Variants in PRKRA observed in about 807,000 individuals in gnomAD.
PRKRA encodes protein activator of interferon induced protein kinase EIF2AK2.
A neutral mutation model predicts 32.4 loss-of-function variants in PRKRA; 22 were observed. The ratio of observed to expected loss-of-function variants is 0.68; its 90% CI spans 0.49 to 0.97. The LOEUF (loss-of-function observed/expected upper bound fraction) is 0.97. Among genes scored for constraint, PRKRA ranks in the 50% least tolerant of loss-of-function variants. The probability of loss-of-function intolerance (pLI) is 0.00; values close to 1 mark genes in which losing one functional copy is unlikely to be tolerated. For synonymous variants in PRKRA, 139 were observed against 129.8 expected (o/e 1.07, Z -0.48); for missense variants, 319 against 375.6 (o/e 0.85, Z 1.25).
At chr2:178,447,732 TAAAA>T in intron 2 of PRKRA, 146 bp from the exon 3 acceptor site, 24 of 820,786 alleles carry the variant, frequency 2.9e-5, no homozygotes, top group Non-Finnish European at 4.1e-5. Flanking sequence ...ATACTGTACA[TAAAA>T]ATATGTACAT....
intron 7 of PRKRA, among the ~76,000 whole-genome samples, chr2:178,434,690 C>A (rs1696815284): frequency 6.6e-6 from 1 of 152,122 alleles, no homozygotes; most frequent in Admixed American, 6.5e-5. Context: ...CCTTCAATCC[C>A]AAAGTAGCAC....
chr2:178,449,950 T>C (rs541400648), intron 2 of PRKRA: 215 of 487,750 alleles, frequency 4.4e-4, no homozygotes, highest in African/African-American at 3.8e-3. Flanking sequence ...TCCCTCTAAT[T>C]CTAAGAAGAA....
At chr2:178,450,028 A>C in intron 2 of PRKRA, 1 of 657,766 alleles carries the variant, frequency 1.5e-6, no homozygotes. Flanking sequence ...GTAACTTTTT[A>C]GTTTCTAAGC....
At chr2:178,449,988 G>A (rs772067291) in intron 2 of PRKRA, 9 of 568,578 alleles carry the variant, frequency 1.6e-5, no homozygotes, top group African/African-American at 3.8e-5. Flanking sequence ...GGTATGAGAA[G>A]AGCCATGCAG....
intron 7 of PRKRA, among the ~76,000 whole-genome samples, chr2:178,435,383 CAA>C (rs765962501): frequency 0.013 from 828 of 61,436 alleles, 6 homozygotes; most frequent in African/African-American, 0.042. Flanking sequence ...TACTCCGTCT[CAA>C]AAAAAAAAAA....
At chr2:178,439,467 T>C (rs1205782477) in intron 6 of PRKRA, 1 of 152,236 alleles carries the variant, frequency 6.6e-6, no homozygotes, top group Admixed American at 6.5e-5. Context: ...ATTAATTTCA[T>C]AATCAGTTAC....
At chr2:178,433,703 G>T (rs1575084606) in intron 7 of PRKRA, 1 of 152,142 alleles carries the variant, frequency 6.6e-6, no homozygotes, top group Middle Eastern at 3.4e-3. Flanking sequence ...TGCCCAGGTG[G>T]TCTCAAACTC....
intron 7 of PRKRA, among the ~76,000 whole-genome samples, chr2:178,434,424 CTTT>C (rs561589631): frequency 7.2e-6 from 1 of 138,044 alleles, no homozygotes; most frequent in African/African-American, 2.6e-5. Context: ...AGCCTCTTTT[CTTT>C]TTTTTTTTTG....
intron 7 of PRKRA, among the ~76,000 whole-genome samples, chr2:178,435,406 A>G (rs1485965870): frequency 2.6e-5 from 4 of 151,196 alleles, no homozygotes; most frequent in African/African-American, 9.7e-5. Context: ...AAAAAAAAAA[A>G]ATCAAGACAC....
chr2:178,435,885 G>A (rs531143636), intron 7 of PRKRA, among the ~76,000 whole-genome samples: 2 of 152,190 alleles, frequency 1.3e-5, no homozygotes, highest in South Asian at 2.1e-4. Context: ...TCTTAGAACA[G>A]TGTCTGGCAC....
In PRKRA at chr2:178,432,007, C is replaced by T. The variant is rs1217707756; in HGVS notation, c.*90G>A. 1 of 1,406,670 alleles carries T rather than the reference C, an allele frequency of 7.1e-7. No homozygotes were observed. The highest frequency in any genetic ancestry group is 9.9e-7 in the Non-Finnish European group (1 of 1,006,924). 87.1% of individuals were successfully genotyped at this position (1,406,670 alleles called of 1,614,324 possible). A position where few individuals can be genotyped will look rare whatever the true frequency, so the allele number is the denominator to read the frequency against. ...TCTATGAAGAGATTTAGAAACAAGA[C>T]ATAAACACTACGGTAAAAGTTTTAC... On this transcript the variant is annotated 3_prime_UTR_variant, in exon 8 of 8. Transcript: ENST00000325748.
chr2:178,438,119 A>G (rs989309576), intron 6 of PRKRA, among the ~76,000 whole-genome samples: 1 of 150,676 alleles, frequency 6.6e-6, no homozygotes, highest in African/African-American at 2.5e-5. Context: ...TTTGCTGTGC[A>G]GTAGGTTTTA....
intron 1 of PRKRA, 197 bp downstream of exon 1, chr2:178,450,769 G>C: frequency 7.4e-7 from 1 of 1,346,816 alleles, no homozygotes; most frequent in South Asian, 1.9e-5. Context: ...CGCCGCCAGG[G>C]ACCACGAGAG....
At chr2:178,446,108 G>A (rs927906920) in intron 3 of PRKRA, among the ~76,000 whole-genome samples, 22 of 152,066 alleles carry the variant, frequency 1.4e-4, no homozygotes, top group Admixed American at 9.2e-4. Flanking sequence ...TCCGCCTCCC[G>A]GGTTCAAGCG....
rs563918934 is a variant in PRKRA at position 178,449,272 on chromosome 2, A to G, written c.235+970T>C. Reference sequence around the variant, plus strand: ...ATGCAGTGTTGACTCTATGGTTCCCATGGGGACCCTTCCGGCCAGCACCTA... The same window carrying G: ...ATGCAGTGTTGACTCTATGGTTCCCGTGGGGACCCTTCCGGCCAGCACCTA... On this transcript the variant is annotated intron_variant, in intron 2 of 7. Transcript: ENST00000325748. 3.9e-5 allele frequency among the ~76,000 whole-genome samples: 6 copies of G among 152,252 alleles called. No homozygotes were observed. The East Asian group carries it at 1.2e-3, about 29-fold the overall frequency.
chr2:178,451,132 T>TCCTCCGACTCCCCCG lies in PRKRA; in HGVS notation c.-117_-103dup. On this transcript the variant is annotated 5_prime_UTR_variant, in exon 1 of 8. Coordinates refer to ENST00000325748, the MANE Select transcript of PRKRA (RefSeq NM_003690.5). ...CGGGAGGAGCTCCAGCGCCGCCACC[T>TCCTCCGACTCCCCCG]CCTCCGACTCCCCCGCCTCCTGCTT... is the stretch of plus-strand genomic sequence containing the variant. 7.5e-7 allele frequency: 1 copy of TCCTCCGACTCCCCCG among 1,330,254 alleles called. No homozygotes were observed. Among genetic ancestry groups the TCCTCCGACTCCCCCG allele is most frequent in the Non-Finnish European group, 1.0e-6 (1 of 985,802 alleles). The allele number at this position is 1,330,254 out of a possible 1,614,324, so 82.4% of individuals were successfully genotyped here. A position where few individuals can be genotyped will look rare whatever the true frequency, so the allele number is the denominator to read the frequency against.
intron 6 of PRKRA, among the ~76,000 whole-genome samples, chr2:178,437,471 G>C (rs983847606): frequency 5.1e-4 from 78 of 152,172 alleles, no homozygotes; most frequent in African/African-American, 1.8e-3. Context: ...TATATGCACT[G>C]TATTTACCTT....
In PRKRA at chr2:178,443,346, A is replaced by G. The variant is rs140157275; in HGVS notation, c.435T>C (p.Tyr145=). 43 of 1,613,092 alleles carry G rather than the reference A, an allele frequency of 2.7e-5. No homozygotes were observed. Among genetic ancestry groups the G allele is most frequent in the African/African-American group, 5.3e-5 (4 of 74,902 alleles). ...CAGGTCCTCCCTCCTGGGAAAGGGT[A>G]TATTCAGGAAGTCTCCAGCCATGAT... ...AIHHGWRLPE[Y]TLSQEGGPAH... is the part of the protein sequence containing the mutation. The change falls in exon 5 of 8, where the codon TAT becomes TAC. Residue 145 remains tyrosine (Y), a synonymous_variant. Transcript: ENST00000325748.
chr2:178,450,332 T>C lies in PRKRA; in HGVS notation c.145A>G (p.Ile49Val), dbSNP rs776589927. The C allele has an allele frequency of 6.8e-6, 11 of 1,614,150 alleles. No individual in the cohort carries two copies. Among genetic ancestry groups the C allele is most frequent in the Admixed American group, 3.3e-5 (2 of 60,010 alleles). The stretch of plus-strand genomic sequence containing the variant: ...GATCTTTCACATTCATAAACTGGGA[T>C]GTTCTTGGTCTTCATGCCGTATTCG... ...LHEYGMKTKN[I>V]PVYECERSDV... is the part of the protein sequence containing the mutation. Residue 49 changes from isoleucine (I) to valine (V), a missense_variant, in exon 2 of 8, where the codon ATC becomes GTC. Coordinates refer to ENST00000325748, the MANE Select transcript of PRKRA (RefSeq NM_003690.5).
Sources: gnomAD v4.1 joint callset for allele counts (sites outside exome capture counted in the v4.1 genomes callset) on GRCh38, gnomAD v4.1.1 for gene constraint, MANE v1.5 for transcripts, NCBI Gene and HGNC (gene_info 2026-07-23, HGNC 2026-07-21) for gene names.